The following ICE2 variants were observed in gnomAD, a reference collection of about 807,000 sequenced individuals.
ICE2 encodes interactor of little elongation complex ELL subunit 2.
Under a neutral mutation model 105.4 loss-of-function variants are expected in ICE2, and 87 were observed. The observed-to-expected ratio is 0.83, with a 90% CI of 0.69 to 0.99. The LOEUF is 0.99. ICE2 is among the 50% of genes least tolerant of loss of function. The pLI is 0.00. For missense variants in ICE2, 1,323 were observed against 1,146.7 expected (o/e 1.15, Z -2.22); for synonymous variants, 399 against 392.0 (o/e 1.02, Z -0.21).
intron 7 of ICE2, 34 bp from the exon 8 acceptor site, chr15:60,455,196 T>C (rs763875210): frequency 9.0e-6 from 14 of 1,551,060 alleles, no homozygotes; most frequent in East Asian, 2.2e-5. Context: ...TACTTGGTTA[T>C]ACTTATTGAA....
At chr15:60,432,376 G>C (rs2063481898) in intron 13 of ICE2, among the ~76,000 whole-genome samples, 1 of 151,666 alleles carries the variant, frequency 6.6e-6, no homozygotes, top group Non-Finnish European at 1.5e-5. Flanking sequence ...TTTTGGTAGA[G>C]ACAGGGTTTC....
chr15:60,431,003 G>A (rs755088609), intron 14 of ICE2, among the ~76,000 whole-genome samples: 9 of 151,952 alleles, frequency 5.9e-5, no homozygotes, highest in Non-Finnish European at 1.3e-4. Flanking sequence ...TCCTGAGTAG[G>A]TGGGATTACA....
At chr15:60,476,447 T>C (rs1595831525) in intron 2 of ICE2, among the ~76,000 whole-genome samples, 1 of 152,210 alleles carries the variant, frequency 6.6e-6, no homozygotes, top group Non-Finnish European at 1.5e-5. Flanking sequence ...TCACAGAGAC[T>C]GGAAAGTTAA....
At position 60,449,264 on chromosome 15, in the gene ICE2, A is replaced by C. The variant is rs1177521904; in HGVS notation, c.1703T>G (p.Leu568Arg). ...SEAAKTEDTV[L>R]CSSDTDEECL... ...CTCCTCATCTGTATCACTGCTGCAG[A>C]GAACTGTATCTTCAGTTTTTGCTGC... Residue 568 changes from leucine (L) to arginine (R), a missense_variant, in exon 10 of 16, where the codon CTC (leucine) becomes CGC (arginine). Transcript: ENST00000261520. 3.1e-6 allele frequency: 5 copies of C among 1,613,584 alleles called. No individual in the cohort carries two copies. The highest frequency in any genetic ancestry group is 4.2e-6 in the Non-Finnish European group (5 of 1,180,002).
intron 14 of ICE2, 105 bp downstream of exon 14, chr15:60,431,829 T>C (rs574546825): frequency 3.3e-6 from 2 of 606,378 alleles, no homozygotes; most frequent in South Asian, 4.0e-5. Flanking sequence ...TTTGCATTTC[T>C]AGGTTATTTT....
intron 5 of ICE2, among the ~76,000 whole-genome samples, chr15:60,461,346 C>T (rs966503420): frequency 2.6e-5 from 4 of 151,948 alleles, no homozygotes; most frequent in Non-Finnish European, 4.4e-5. Context: ...AGAAACTTTA[C>T]GGCTTAATAA....
At chr15:60,471,866 T>C (rs958758863) in intron 3 of ICE2, among the ~76,000 whole-genome samples, 4 of 152,074 alleles carry the variant, frequency 2.6e-5, no homozygotes, top group Non-Finnish European at 5.9e-5. Flanking sequence ...GGTAGCTTAT[T>C]TAAAAGTAGC....
At chr15:60,432,436 C>T (rs1014706487) in intron 13 of ICE2, among the ~76,000 whole-genome samples, 8 of 151,646 alleles carry the variant, frequency 5.3e-5, no homozygotes, top group Non-Finnish European at 1.0e-4. Flanking sequence ...GTGATCCACC[C>T]GCCTCGGCCT....
rs772100181 is a variant in ICE2, at chr15:60,456,698, C to T, written c.625G>A (p.Val209Ile). ...TTTTCTAACTTTAATCCCATCTCTA[C>T]TCTGAATGGGAAGAATCCCATTAAG... Reference protein sequence around the residue: ...TSLMGFFPFRVEMGLKLEKTL... With the variant: ...TSLMGFFPFRIEMGLKLEKTL... Residue 209 changes from valine to isoleucine, a missense_variant, in exon 6 of 16, where the codon GTA (valine) becomes ATA (isoleucine). Coordinates refer to ENST00000261520, the MANE Select transcript of ICE2 (RefSeq NM_024611.6). 6.3e-7 allele frequency: 1 copy of T among 1,596,630 alleles called. No homozygotes were observed. The highest frequency in any genetic ancestry group is 1.4e-5 in the African/African-American group (1 of 73,808).
At chr15:60,431,831 G>A in intron 14 of ICE2, 103 bp downstream of exon 14, 1 of 610,584 alleles carries the variant, frequency 1.6e-6, no homozygotes, top group Non-Finnish European at 2.9e-6. Flanking sequence ...TGCATTTCTA[G>A]GTTATTTTGT....
At chr15:60,462,916 T>C (rs998226151) in intron 5 of ICE2, among the ~76,000 whole-genome samples, 2 of 152,224 alleles carry the variant, frequency 1.3e-5, no homozygotes, top group African/African-American at 4.8e-5. Context: ...CTTATAGGTA[T>C]ACAAACAGTT....
chr15:60,460,830 G>C (rs2064255192), intron 5 of ICE2, among the ~76,000 whole-genome samples: 2 of 152,060 alleles, frequency 1.3e-5, no homozygotes, highest in Admixed American at 6.6e-5. Context: ...AATGAACTTT[G>C]ATCCTTACCT....
intron 3 of ICE2, 29 bp from the exon 4 acceptor site, chr15:60,468,351 T>G (rs370075696): frequency 1.3e-6 from 2 of 1,549,716 alleles, no homozygotes; most frequent in Non-Finnish European, 1.8e-6. Flanking sequence ...TTTACAAATA[T>G]GTGCTTTTCA....
chr15:60,421,732 T>C lies in ICE2; in HGVS notation c.*1902A>G, dbSNP rs1252220957. ...GCCTCTCCCTTGGCTCGCTGGCAAA[T>C]GATTCACAACCAAAACATTTCTGGG... On this transcript the variant is annotated 3_prime_UTR_variant, in exon 16 of 16. Coordinates refer to ENST00000261520, the MANE Select transcript of ICE2 (RefSeq NM_024611.6). 1 of 151,968 alleles carries C rather than the reference T, an allele frequency of 6.6e-6. No individual in the cohort carries two copies. The highest frequency in any genetic ancestry group is 1.5e-5 in the Non-Finnish European group (1 of 67,974). The allele number at this position is 151,968 out of a possible 1,614,324, so 9.4% of individuals were successfully genotyped here.
intron 13 of ICE2, 75 bp from the exon 14 acceptor site, chr15:60,432,059 G>A (rs1210420275): frequency 5.6e-6 from 4 of 715,072 alleles, no homozygotes; most frequent in South Asian, 1.7e-5. Flanking sequence ...TCCTCAGGCA[G>A]AGAAATGCCC....
At position 60,449,510 on chromosome 15, in the gene ICE2, T is replaced by C. The variant is rs761536679; in HGVS notation, c.1457A>G (p.Asp486Gly). Residue 486 changes from aspartate to glycine, a missense_variant, in exon 10 of 16, where the codon GAT becomes GGT. Transcript: ENST00000261520. ...CTTTTCACATGATTCAAATCCCTGA[T>C]CATCTTTATTTTTGCATTCCTCAGG... ...GGPEECKNKD[D>G]QGFESCEKVS... The C allele has an allele frequency of 6.2e-7, 1 of 1,614,172 alleles. No homozygotes were observed. The highest frequency in any genetic ancestry group is 1.1e-5 in the South Asian group (1 of 91,084).
intron 9 of ICE2, chr15:60,453,146 C>T (rs1013116211): frequency 6.4e-5 from 46 of 719,580 alleles, no homozygotes; most frequent in African/African-American, 7.7e-5. Context: ...GCAGGAGCAT[C>T]ACTTGAACCC....
intron 5 of ICE2, among the ~76,000 whole-genome samples, chr15:60,459,050 C>G (rs1291919241): frequency 6.6e-6 from 1 of 152,108 alleles, no homozygotes; most frequent in Non-Finnish European, 1.5e-5. Flanking sequence ...ACCTGCATAA[C>G]AATGTAAATG....
chr15:60,460,623 A>T (rs1019638847), intron 5 of ICE2, among the ~76,000 whole-genome samples: 2 of 152,182 alleles, frequency 1.3e-5, no homozygotes, highest in African/African-American at 2.4e-5. Flanking sequence ...TTTGGACCAC[A>T]TAATTCTTTG....
Sources: allele counts gnomAD v4.1 joint callset (sites outside exome capture counted in the v4.1 genomes callset), GRCh38; gene constraint gnomAD v4.1.1; transcripts MANE v1.5; gene names NCBI Gene and HGNC (gene_info 2026-07-23, HGNC 2026-07-21).